Variants in ANK3 observed in about 807,000 individuals in gnomAD.
The protein encoded by ANK3 is ankyrin-3.
A neutral mutation model predicts 370.9 loss-of-function variants in ANK3; 57 were observed. The ratio of observed to expected loss-of-function variants is 0.15; its 90% confidence interval spans 0.12 to 0.19. ANK3 has a LOEUF of 0.19. ANK3 is among the 10% of genes least tolerant of loss of function. The pLI, the probability that ANK3 is intolerant of heterozygous loss-of-function variation, is 1.00. For synonymous variants in ANK3, 1,929 were observed against 1,946.3 expected (o/e 0.99, Z 0.23); for missense variants, 4,439 against 5,302.1 (o/e 0.84, Z 5.06).
chr10:60,210,308 G>A (rs1403323563), intron 9 of ANK3, among the ~76,000 whole-genome samples: 1 of 152,154 alleles, frequency 6.6e-6, no homozygotes, highest in Non-Finnish European at 1.5e-5. Flanking sequence ...GCACTGGCAG[G>A]AGGTGGTGAA....
intron 9 of ANK3, 132 bp downstream of exon 9, chr10:60,213,280 T>C: frequency 3.6e-6 from 2 of 559,072 alleles, no homozygotes; most frequent in Non-Finnish European, 6.2e-6. Flanking sequence ...TGAGGTTCTA[T>C]AAAGATCTGG....
intron 1 of ANK3, among the ~76,000 whole-genome samples, chr10:60,290,189 G>T (rs530564527): frequency 6.6e-6 from 1 of 152,076 alleles, no homozygotes; most frequent in Non-Finnish European, 1.5e-5. Flanking sequence ...ATAATCTGCC[G>T]TCTGTCAGTA....
Position 60,026,347 on chromosome 10 carries a change from C to G in ANK3, c.*3499G>C, listed in dbSNP as rs760893450. 2 of 152,194 alleles carry G rather than the reference C, an allele frequency of 1.3e-5. No individual in the cohort carries two copies. Among genetic ancestry groups the G allele is most frequent in the African/African-American group, 2.4e-5 (1 of 41,458 alleles). The allele number at this position is 152,194 out of a possible 1,614,324, so 9.4% of individuals were successfully genotyped here. On this transcript the variant is annotated 3_prime_UTR_variant, in exon 44 of 44. Transcript: ENST00000280772. The stretch of plus-strand genomic sequence containing the variant: ...TTACTTCTGGACAATTTGATCAATT[C>G]ATGAAACAGAAGCAGTGTGATATGC...
At position 60,485,068 on chromosome 10, in the gene ANK3, ACAGAATAAATG is replaced by A. The variant is rs2075315648; in HGVS notation, c.96+130107_96+130117del. ...AAAATTAATATAGTAAAAAGAGTAA[ACAGAATAAATG>A]AAGAATTAGGACACCCAGGTAATAG... On this transcript the variant is annotated intron_variant, in intron 2 of 43. Transcript: ENST00000373827. Among the ~76,000 whole-genome samples the A allele has an allele frequency of 2.6e-5, 4 of 152,220 alleles. No individual in the cohort carries two copies. In the South Asian group the frequency reaches 8.3e-4, roughly 31 times the overall value.
chr10:60,067,068 C>T (rs2081798217), intron 38 of ANK3, among the ~76,000 whole-genome samples: 2 of 152,098 alleles, frequency 1.3e-5, no homozygotes, highest in African/African-American at 4.8e-5. Flanking sequence ...GACAGGCATG[C>T]ACCACCACAC....
chr10:60,107,008 C>T (rs1405486781), intron 27 of ANK3, among the ~76,000 whole-genome samples: 3 of 152,148 alleles, frequency 2.0e-5, no homozygotes, highest in African/African-American at 4.8e-5. Flanking sequence ...ACAGAAGATA[C>T]AGGCTTAAGT....
At chr10:60,479,146 A>G (rs1317541461) in intron 2 of ANK3, among the ~76,000 whole-genome samples, 1 of 152,170 alleles carries the variant, frequency 6.6e-6, no homozygotes, top group African/African-American at 2.4e-5. Context: ...TAATAAAAGC[A>G]TCATAGCAAC....
At chr10:60,177,102 T>C (rs771887434) in intron 18 of ANK3, among the ~76,000 whole-genome samples, 1 of 152,232 alleles carries the variant, frequency 6.6e-6, no homozygotes, top group Non-Finnish European at 1.5e-5. Flanking sequence ...GCTTCTCTTA[T>C]CTGAAACACC....
intron 1 of ANK3, among the ~76,000 whole-genome samples, chr10:60,702,359 T>A (rs1271382411): frequency 6.6e-6 from 1 of 152,026 alleles, no homozygotes; most frequent in Non-Finnish European, 1.5e-5. Context: ...GTACTCTATA[T>A]CCTAAGTGAG....
intron 1 of ANK3, among the ~76,000 whole-genome samples, chr10:60,723,030 G>T (rs78294028): frequency 0.04 from 6,019 of 152,180 alleles, 148 homozygotes; most frequent in South Asian, 0.071. Flanking sequence ...TACTTCAATG[G>T]AAAAACTACT....
chr10:60,141,571 T>G (rs12769272), intron 23 of ANK3, among the ~76,000 whole-genome samples: 17 of 120,986 alleles, frequency 1.4e-4, no homozygotes, highest in Non-Finnish European at 2.1e-4. Flanking sequence ...GTTTTTTTTT[T>G]TTTTTTTTTT....
chr10:60,295,506 C>A (rs912648721), intron 1 of ANK3, among the ~76,000 whole-genome samples: 1 of 152,088 alleles, frequency 6.6e-6, no homozygotes, highest in Non-Finnish European at 1.5e-5. Flanking sequence ...CAATTATAAC[C>A]ATGAGAGTCA....
chr10:60,626,235 A>G (rs1419181952), intron 1 of ANK3, among the ~76,000 whole-genome samples: 1 of 152,182 alleles, frequency 6.6e-6, no homozygotes, highest in Non-Finnish European at 1.5e-5. Context: ...GCTAAAGACA[A>G]TGACATCATT....
rs869144298 is a variant in ANK3, at chr10:60,246,255, C to CAA, written c.799-11471_799-11470dup. Among the ~76,000 whole-genome samples, 330 of 92,656 alleles carry CAA rather than the reference C, an allele frequency of 3.6e-3. 31 individuals carry two copies. The highest frequency in any genetic ancestry group is 0.014 in the African/African-American group (287 of 21,250). The allele number at this position is 92,656 out of a possible 152,430, so 60.8% of individuals were successfully genotyped here. On this transcript the variant is annotated intron_variant, in intron 7 of 43. Transcript: ENST00000280772. ...TGGGCAACAGAGAGAAACCCTGTATCAAAAAAAAAAAAAAAAAAAAAAAAA... is the reference window on the plus strand; with the variant it reads ...TGGGCAACAGAGAGAAACCCTGTATCAAAAAAAAAAAAAAAAAAAAAAAAAAA...
intron 25 of ANK3, among the ~76,000 whole-genome samples, chr10:60,127,700 C>CTTT (rs10715735): frequency 1.6e-4 from 21 of 132,622 alleles, no homozygotes; most frequent in Non-Finnish European, 2.0e-4. Context: ...GTTTTTCATA[C>CTTT]TTTTTTTTTT....
At chr10:60,367,847 C>T (rs566386204) in intron 1 of ANK3, among the ~76,000 whole-genome samples, 17 of 152,292 alleles carry the variant, frequency 1.1e-4, no homozygotes, top group African/African-American at 4.1e-4. Context: ...CCATCGCTTT[C>T]AGAAATTAAA....
At chr10:60,117,221 G>A (rs1174812901) in intron 25 of ANK3, among the ~76,000 whole-genome samples, 1 of 152,200 alleles carries the variant, frequency 6.6e-6, no homozygotes, top group Non-Finnish European at 1.5e-5. Context: ...GTGAAGGACT[G>A]ACCCAAGAAA....
rs117596530 is a variant in ANK3, at chr10:60,131,883, T to C, written c.2841+2388A>G. Among the ~76,000 whole-genome samples, 73 of 152,242 alleles carry C rather than the reference T, an allele frequency of 4.8e-4. 2 individuals carry two copies. The East Asian group carries it at 0.011, about 23-fold the overall frequency. On this transcript the variant is annotated intron_variant, in intron 25 of 43. Transcript: ENST00000280772. ...CCCATAGCAAGTTAATATGCAGAAA[T>C]ATAAGCCACAATTAGGTTTGATCAG...
chr10:60,165,591 TG>T (rs1487279164), intron 23 of ANK3, among the ~76,000 whole-genome samples: 1 of 152,174 alleles, frequency 6.6e-6, no homozygotes. Context: ...AAGATTAAAG[TG>T]GCTTCAGACT....
Sources: allele counts gnomAD v4.1 joint callset (sites outside exome capture counted in the v4.1 genomes callset), GRCh38; gene constraint gnomAD v4.1.1; transcripts MANE v1.5; gene names NCBI Gene and HGNC (gene_info 2026-07-23, HGNC 2026-07-21).